Variants in ROBO2 observed in about 807,000 individuals in gnomAD.
ROBO2 encodes the protein roundabout homolog 2.
A neutral mutation model predicts 160.8 loss-of-function variants in ROBO2; 53 were observed. The ratio of observed to expected loss-of-function variants is 0.33; its 90% CI spans 0.26 to 0.41. The LOEUF is 0.41. ROBO2 is among the 10% of genes least tolerant of loss of function. ROBO2 has a pLI of 1.00. For synonymous variants in ROBO2, 664 were observed against 611.7 expected, an observed-to-expected ratio of 1.09 and a Z score of -1.26; for missense variants, 1,577 against 1,722.4, an observed-to-expected ratio of 0.92 and a Z score of 1.49.
intron 9 of ROBO2, among the ~76,000 whole-genome samples, chr3:77,559,747 G>C (rs946467888): frequency 3.3e-5 from 5 of 151,970 alleles, no homozygotes; most frequent in Non-Finnish European, 5.9e-5. Context: ...AGAAAACAAA[G>C]TGACTATTTT....
chr3:77,509,987 G>A (rs1009075265), intron 5 of ROBO2, among the ~76,000 whole-genome samples: 15 of 152,000 alleles, frequency 9.9e-5, no homozygotes, highest in Admixed American at 3.3e-4. Context: ...TGGGCCAGAT[G>A]TGAAGGCTCA....
At chr3:76,136,593 A>G (rs1009792393) in intron 2 of ROBO2, among the ~76,000 whole-genome samples, 2 of 152,072 alleles carry the variant, frequency 1.3e-5, no homozygotes, top group African/African-American at 2.4e-5. Flanking sequence ...GTCTATCTAC[A>G]TACATTGCTT....
chr3:75,982,625 T>C (rs1372531326), intron 2 of ROBO2, among the ~76,000 whole-genome samples: 1 of 151,498 alleles, frequency 6.6e-6, no homozygotes, highest in Non-Finnish European at 1.5e-5. Flanking sequence ...TAGAAGAAAA[T>C]AAGTCCCAGG....
chr3:76,996,070 A>T (rs1322710189), intron 2 of ROBO2, among the ~76,000 whole-genome samples: 3 of 152,000 alleles, frequency 2.0e-5, no homozygotes, highest in East Asian at 1.9e-4. Context: ...TCTTTTAGGG[A>T]TTTTATGGTT....
intron 2 of ROBO2, among the ~76,000 whole-genome samples, chr3:76,692,936 T>C (rs1698680400): frequency 6.6e-6 from 1 of 150,870 alleles, no homozygotes; most frequent in African/African-American, 2.4e-5. Context: ...ATATAGTGTG[T>C]ATATATAGTG....
intron 21 of ROBO2, 73 bp downstream of exon 22, chr3:77,608,027 T>C (rs1409488677): frequency 6.9e-6 from 10 of 1,458,630 alleles, no homozygotes; most frequent in Non-Finnish European, 9.6e-6. Flanking sequence ...TTTGCCATCA[T>C]CTTATGTTCT....
At chr3:77,016,117 C>T (rs2062230829) in intron 2 of ROBO2, among the ~76,000 whole-genome samples, 1 of 152,062 alleles carries the variant, frequency 6.6e-6, no homozygotes, top group African/African-American at 2.4e-5. Context: ...GCTGGGACTA[C>T]AGGCGCCCGC....
intron 2 of ROBO2, among the ~76,000 whole-genome samples, chr3:76,269,770 C>G (rs1429554357): frequency 6.6e-6 from 1 of 151,960 alleles, no homozygotes; most frequent in East Asian, 1.9e-4. Flanking sequence ...GTGTCTATTT[C>G]ATACTTTGTC....
intron 2 of ROBO2, among the ~76,000 whole-genome samples, chr3:76,743,697 T>C (rs1441338310): frequency 2.0e-5 from 3 of 152,068 alleles, no homozygotes; most frequent in Non-Finnish European, 4.4e-5. Context: ...TCTAAGACTT[T>C]CATTCCTTTT....
chr3:76,173,365 A>C (rs991602575), intron 2 of ROBO2, among the ~76,000 whole-genome samples: 10 of 152,018 alleles, frequency 6.6e-5, no homozygotes, highest in African/African-American at 2.4e-4. Flanking sequence ...TTTTAATTGA[A>C]GTTCTGGGAT....
chr3:75,979,020 A>G (rs753632739), intron 2 of ROBO2, among the ~76,000 whole-genome samples: 1 of 151,536 alleles, frequency 6.6e-6, no homozygotes, highest in East Asian at 1.9e-4. Flanking sequence ...AGGGCAAACT[A>G]TGTCAACCAA....
chr3:77,601,144 T>G (rs988760306), intron 19 of ROBO2, among the ~76,000 whole-genome samples: 5 of 152,194 alleles, frequency 3.3e-5, no homozygotes, highest in Non-Finnish European at 7.4e-5. Flanking sequence ...TAAGAATTTT[T>G]ATTTCAGGTA....
At chr3:77,483,945 G>C (rs2085014843) in intron 4 of ROBO2, among the ~76,000 whole-genome samples, 1 of 151,560 alleles carries the variant, frequency 6.6e-6, no homozygotes, top group African/African-American at 2.4e-5. Flanking sequence ...CAAGTATTTT[G>C]ATTCTAGTGG....
intron 5 of ROBO2, among the ~76,000 whole-genome samples, chr3:77,493,849 A>T (rs1377395737): frequency 6.6e-6 from 1 of 152,150 alleles, no homozygotes; most frequent in African/African-American, 2.4e-5. Context: ...TCAGCATAAC[A>T]CTGAAATGGT....
At chr3:77,474,657 TACAC>T (rs9286680) in intron 2 of ROBO2, among the ~76,000 whole-genome samples, 3,189 of 128,416 alleles carry the variant, frequency 0.025, 47 homozygotes, top group African/African-American at 0.057. Context: ...TTAGGGGGAA[TACAC>T]ACACACACAC....
intron 24 of ROBO2, among the ~76,000 whole-genome samples, chr3:77,637,857 C>G (rs941679275): frequency 2.0e-5 from 3 of 151,964 alleles, no homozygotes; most frequent in African/African-American, 7.3e-5. Flanking sequence ...AGAATGTTTC[C>G]TTAAAGCAAG....
chr3:76,696,221 C>T (rs1251795588), intron 2 of ROBO2, among the ~76,000 whole-genome samples: 3 of 152,124 alleles, frequency 2.0e-5, no homozygotes, highest in African/African-American at 7.2e-5. Flanking sequence ...AGTCTAGCCT[C>T]CCCAGATTTG....
chr3:76,678,787 A>G (rs992074803), intron 2 of ROBO2, among the ~76,000 whole-genome samples: 4 of 152,150 alleles, frequency 2.6e-5, no homozygotes, highest in African/African-American at 7.2e-5. Flanking sequence ...CAAGTGCTCA[A>G]TTTCTCTGTG....
chr3:76,637,730 C>A (rs1352023543), intron 2 of ROBO2, among the ~76,000 whole-genome samples: 1 of 152,102 alleles, frequency 6.6e-6, no homozygotes, highest in Non-Finnish European at 1.5e-5. Flanking sequence ...ATTATAGAAA[C>A]TATATTATGC....
Sources: gnomAD v4.1 joint callset for allele counts (sites outside exome capture counted in the v4.1 genomes callset) on GRCh38, gnomAD v4.1.1 for gene constraint, MANE v1.5 for transcripts, NCBI Gene and HGNC (gene_info 2026-07-23, HGNC 2026-07-21) for gene names.